Variants in NBAS observed in about 807,000 individuals in gnomAD.
NBAS encodes the protein NBAS subunit of NRZ tethering complex, also known as NAG/BC035112 fusion.
A neutral mutation model predicts 302.5 loss-of-function variants in NBAS; 219 were observed. That is an observed-to-expected ratio of 0.72 (90% CI 0.65 to 0.81). NBAS has a LOEUF of 0.81. NBAS is among the 30% of genes least tolerant of loss of function. The pLI is 0.00. For missense variants in NBAS, 2,932 were observed against 2,841.6 expected (o/e 1.03, Z -0.72); for synonymous variants, 1,118 against 1,021.6 (o/e 1.09, Z -1.80).
At chr2:15,178,465 C>A (rs1572401574) in intron 51 of NBAS, among the ~76,000 whole-genome samples, 1 of 152,326 alleles carries the variant, frequency 6.6e-6, no homozygotes, top group Admixed American at 6.5e-5. Context: ...AGGGAGAAAT[C>A]TCAAGTTGAC....
chr2:15,077,682 T>G, the NBAS span, among the ~76,000 whole-genome samples: 1 of 149,434 alleles, frequency 6.7e-6, no homozygotes, highest in Non-Finnish European at 1.5e-5. Flanking sequence ...CTTTCTTTCT[T>G]TTTTTTTCTT....
At chr2:15,186,085 TACAC>T (rs80317869) in intron 50 of NBAS, among the ~76,000 whole-genome samples, 41,783 of 147,140 alleles carry the variant, frequency 0.28, 6,366 homozygotes, top group African/African-American at 0.42. Context: ...CATATATATA[TACAC>T]ACACACACAC....
chr2:15,079,331 C>T, the NBAS span, among the ~76,000 whole-genome samples: 6 of 152,072 alleles, frequency 3.9e-5, no homozygotes, highest in African/African-American at 1.4e-4. Context: ...GTTTCACCAC[C>T]TACAAAGCAG....
chr2:15,124,972 C>T, the NBAS span, among the ~76,000 whole-genome samples: 4 of 152,182 alleles, frequency 2.6e-5, no homozygotes, highest in African/African-American at 9.7e-5. Flanking sequence ...AGAGTCCCCA[C>T]CGGAGCACTG....
chr2:15,204,807 A>G (rs901542937), intron 48 of NBAS, among the ~76,000 whole-genome samples: 5 of 152,178 alleles, frequency 3.3e-5, no homozygotes, highest in African/African-American at 7.2e-5. Flanking sequence ...GGAATTGAAC[A>G]ATGAGAACAC....
chr2:15,115,936 G>A, the NBAS span, among the ~76,000 whole-genome samples: 2 of 152,136 alleles, frequency 1.3e-5, no homozygotes, highest in Non-Finnish European at 2.9e-5. Flanking sequence ...GCTACTTCAG[G>A]CCTTATATCT....
In NBAS at chr2:15,496,097, T is replaced by TACACAC. The variant is rs61047968; in HGVS notation, c.955-7081_955-7076dup. On this transcript the variant is annotated intron_variant, in intron 11 of 51. Coordinates refer to ENST00000281513, the MANE Select transcript of NBAS (RefSeq NM_015909.4). The stretch of plus-strand genomic sequence containing the variant: ...ATACACACACACATACATATACAGA[T>TACACAC]ACACACACACACACACACACACACA... Among the ~76,000 whole-genome samples, 914 of 144,046 alleles carry TACACAC rather than the reference T, an allele frequency of 6.3e-3. 9 individuals are homozygous for TACACAC. The highest frequency in any genetic ancestry group is 0.019 in the African/African-American group (740 of 39,354). 94.5% of individuals were successfully genotyped at this position (144,046 alleles called of 152,430 possible).
chr2:14,988,117 G>A, the NBAS span, among the ~76,000 whole-genome samples: 1 of 152,016 alleles, frequency 6.6e-6, no homozygotes, highest in Non-Finnish European at 1.5e-5. Flanking sequence ...ACATTGTTGT[G>A]GAAACAAATA....
the NBAS span, among the ~76,000 whole-genome samples, chr2:14,783,477 C>G: frequency 8.0e-6 from 1 of 124,442 alleles, no homozygotes; most frequent in African/African-American, 2.9e-5. Context: ...CCCCTCCCCC[C>G]ACCCCGCAAC....
At chr2:15,313,951 G>A (rs1304190404) in intron 38 of NBAS, among the ~76,000 whole-genome samples, 1 of 152,192 alleles carries the variant, frequency 6.6e-6, no homozygotes, top group Non-Finnish European at 1.5e-5. Context: ...GTGAACTCCA[G>A]TGAAATCCAG....
At chr2:14,880,216 C>T in the NBAS span, among the ~76,000 whole-genome samples, 1 of 152,108 alleles carries the variant, frequency 6.6e-6, no homozygotes, top group South Asian at 2.1e-4. Flanking sequence ...CCCAAATCCC[C>T]CATACCTTTT....
At chr2:15,058,202 C>T in the NBAS span, among the ~76,000 whole-genome samples, 2 of 152,102 alleles carry the variant, frequency 1.3e-5, no homozygotes, top group South Asian at 2.1e-4. Context: ...CAATGCAGAG[C>T]GTGGGAAGAA....
chr2:15,093,467 T>G, the NBAS span, among the ~76,000 whole-genome samples: 3 of 152,202 alleles, frequency 2.0e-5, no homozygotes, highest in African/African-American at 7.2e-5. Flanking sequence ...CAAATGTTGA[T>G]AACCATGTTC....
chr2:15,067,711 T>C, the NBAS span, among the ~76,000 whole-genome samples: 3 of 152,082 alleles, frequency 2.0e-5, no homozygotes, highest in Non-Finnish European at 4.4e-5. Flanking sequence ...TGATTGGGTA[T>C]AAAGTTAAAC....
At chr2:14,886,078 A>G in the NBAS span, among the ~76,000 whole-genome samples, 1 of 152,158 alleles carries the variant, frequency 6.6e-6, no homozygotes, top group Non-Finnish European at 1.5e-5. Context: ...GATTCCTACA[A>G]TACAAAGCAA....
chr2:15,093,898 T>C, the NBAS span, among the ~76,000 whole-genome samples: 1 of 152,200 alleles, frequency 6.6e-6, no homozygotes, highest in Non-Finnish European at 1.5e-5. Context: ...ACTGCTCCTA[T>C]AATACAAAAT....
chr2:15,180,097 C>T (rs959745281), intron 50 of NBAS: 2 of 152,082 alleles, frequency 1.3e-5, no homozygotes, highest in Admixed American at 6.6e-5. Flanking sequence ...GACAGCAGAT[C>T]GGAGAAGAAA....
At chr2:15,006,184 T>C in the NBAS span, among the ~76,000 whole-genome samples, 2 of 152,210 alleles carry the variant, frequency 1.3e-5, no homozygotes, top group South Asian at 4.1e-4. Context: ...TGAGCACGTA[T>C]TATAATAGAA....
the NBAS span, among the ~76,000 whole-genome samples, chr2:15,094,812 A>C: frequency 2.0e-5 from 3 of 152,212 alleles, no homozygotes; most frequent in African/African-American, 7.2e-5. Context: ...TGCAGCAGGA[A>C]GCCGACGGGG....
Sources: gnomAD v4.1 joint callset for allele counts (sites outside exome capture counted in the v4.1 genomes callset) on GRCh38, gnomAD v4.1.1 for gene constraint, MANE v1.5 for transcripts, NCBI Gene and HGNC (gene_info 2026-07-23, HGNC 2026-07-21) for gene names.